Variants in PDE4B observed in about 807,000 individuals in gnomAD.
PDE4B encodes phosphodiesterase 4B.
In PDE4B, 20 loss-of-function variants were observed where a neutral mutation model predicts 82.2. The ratio of observed to expected loss-of-function variants is 0.24; its 90% CI spans 0.17 to 0.35. PDE4B has a LOEUF of 0.35. Ranked by LOEUF, PDE4B falls within the 10% of genes least tolerant of loss-of-function variation. The pLI, the probability that PDE4B is intolerant of heterozygous loss-of-function variation, is 1.00. For synonymous variants in PDE4B, 320 were observed against 318.9 expected, an observed-to-expected ratio of 1.00 and a Z score of -0.04; for missense variants, 655 against 907.2, an observed-to-expected ratio of 0.72 and a Z score of 3.57.
intron 3 of PDE4B, among the ~76,000 whole-genome samples, chr1:66,037,669 G>A (rs1390072306): frequency 6.6e-6 from 1 of 152,116 alleles, no homozygotes. Flanking sequence ...AAGAAGTGAT[G>A]AGAGTGGGCA....
chr1:65,972,595 A>G (rs527895934), intron 3 of PDE4B, among the ~76,000 whole-genome samples: 23 of 152,292 alleles, frequency 1.5e-4, no homozygotes, highest in Admixed American at 8.5e-4. Flanking sequence ...TCAACTGGTA[A>G]GTGTGGAATT....
intron 7 of PDE4B, among the ~76,000 whole-genome samples, chr1:66,278,284 T>C (rs909224911): frequency 6.6e-6 from 1 of 152,178 alleles, no homozygotes; most frequent in Non-Finnish European, 1.5e-5. Flanking sequence ...GGAGCCTGCT[T>C]ATGGGGCCAG....
chr1:65,847,694 G>A (rs144020188), intron 1 of PDE4B, among the ~76,000 whole-genome samples: 1 of 152,180 alleles, frequency 6.6e-6, no homozygotes, highest in Admixed American at 6.6e-5. Flanking sequence ...CTTCATGTAA[G>A]TGTTGAACAC....
chr1:66,187,355 A>G (rs9660408), intron 3 of PDE4B, among the ~76,000 whole-genome samples: 115,298 of 151,600 alleles, frequency 0.76, 44,252 homozygotes, highest in Admixed American at 0.82. Flanking sequence ...CATAAAATGC[A>G]TTAGGGAGGA....
chr1:66,030,744 G>T (rs1018619271), intron 3 of PDE4B, among the ~76,000 whole-genome samples: 1 of 152,160 alleles, frequency 6.6e-6, no homozygotes, highest in Non-Finnish European at 1.5e-5. Context: ...ATAAAGAAAA[G>T]TGGTACATAT....
chr1:65,960,521 A>G (rs1649493128), intron 3 of PDE4B, among the ~76,000 whole-genome samples: 1 of 152,114 alleles, frequency 6.6e-6, no homozygotes, highest in Non-Finnish European at 1.5e-5. Context: ...TGTTAGACTG[A>G]GCTTTGCATT....
chr1:66,202,145 A>T (rs966067933), intron 3 of PDE4B, among the ~76,000 whole-genome samples: 1 of 152,046 alleles, frequency 6.6e-6, no homozygotes, highest in African/African-American at 2.4e-5. Flanking sequence ...GTTTCCATGT[A>T]GTTGAGCAGT....
intron 1 of PDE4B, among the ~76,000 whole-genome samples, chr1:65,862,806 C>T (rs970503700): frequency 1.3e-5 from 2 of 152,124 alleles, no homozygotes; most frequent in Admixed American, 6.6e-5. Flanking sequence ...GGAATTAATA[C>T]ATTTCTTCTA....
At chr1:66,124,790 C>T (rs1034223270) in intron 3 of PDE4B, among the ~76,000 whole-genome samples, 4 of 152,110 alleles carry the variant, frequency 2.6e-5, no homozygotes, top group African/African-American at 9.7e-5. Flanking sequence ...GTGCAATTTA[C>T]GTTCTCCTTG....
chr1:66,189,687 G>T (rs966496201), intron 3 of PDE4B, among the ~76,000 whole-genome samples: 4 of 152,022 alleles, frequency 2.6e-5, no homozygotes, highest in Admixed American at 6.6e-5. Flanking sequence ...GCTCCCTCAG[G>T]TCCTTTAAGG....
At chr1:66,269,311 G>A (rs1258246427) in intron 7 of PDE4B, among the ~76,000 whole-genome samples, 1 of 152,196 alleles carries the variant, frequency 6.6e-6, no homozygotes, top group African/African-American at 2.4e-5. Flanking sequence ...TAGAGCAATG[G>A]AGAATTTCAA....
intron 4 of PDE4B, 103 bp downstream of exon 4, chr1:66,247,757 G>A (rs1653437070): frequency 1.1e-6 from 1 of 875,042 alleles, no homozygotes; most frequent in Non-Finnish European, 1.7e-6. Context: ...TGGTAAGGAT[G>A]AAGGAAGAAA....
intron 1 of PDE4B, among the ~76,000 whole-genome samples, chr1:65,883,510 T>C (rs1290364867): frequency 6.6e-6 from 1 of 152,328 alleles, no homozygotes; most frequent in East Asian, 1.9e-4. Flanking sequence ...TGATTTTGTA[T>C]CCTGAGACTT....
At chr1:65,795,894 C>T (rs577175262) in intron 1 of PDE4B, among the ~76,000 whole-genome samples, 160 of 152,308 alleles carry the variant, frequency 1.1e-3, no homozygotes, top group Middle Eastern at 3.4e-3. Context: ...TATGTTCTTA[C>T]CCCATACATT....
intron 7 of PDE4B, among the ~76,000 whole-genome samples, chr1:66,270,842 A>G (rs1439905469): frequency 6.6e-6 from 1 of 152,276 alleles, no homozygotes; most frequent in Non-Finnish European, 1.5e-5. Context: ...AGAAATATCA[A>G]ACTATGTTTT....
intron 4 of PDE4B, among the ~76,000 whole-genome samples, chr1:66,250,341 T>C (rs779609558): frequency 6.6e-5 from 10 of 152,168 alleles, no homozygotes; most frequent in Non-Finnish European, 1.3e-4. Context: ...TGTCATGAAT[T>C]TTTTATGAAT....
At position 65,865,430 on chromosome 1, in the gene PDE4B, G is replaced by A. The variant is rs141191679; in HGVS notation, c.-70-47815G>A. On this transcript the variant is annotated intron_variant, in intron 1 of 16. Transcript: ENST00000341517. ...GTTCCAGGTGCCTCTGGGGGGTGGC[G>A]GGGAGGGGAGGGGAGGAACAAAACT... is the stretch of plus-strand genomic sequence containing the variant. Among the ~76,000 whole-genome samples the A allele has an allele frequency of 1.5e-4, 23 of 152,090 alleles. No homozygotes were observed. In the East Asian group the frequency reaches 4.1e-3, roughly 27 times the overall value.
At chr1:65,967,326 C>A (rs113669854) in intron 3 of PDE4B, among the ~76,000 whole-genome samples, 13 of 152,252 alleles carry the variant, frequency 8.5e-5, no homozygotes, top group African/African-American at 3.1e-4. Context: ...AAATCAAAAC[C>A]ACAATGAGAT....
At chr1:66,014,199 G>T (rs1652645160) in intron 3 of PDE4B, among the ~76,000 whole-genome samples, 1 of 152,094 alleles carries the variant, frequency 6.6e-6, no homozygotes, top group African/African-American at 2.4e-5. Flanking sequence ...TTAGCCCATT[G>T]TCAGATATAT....
Sources: gnomAD v4.1 joint callset for allele counts (sites outside exome capture counted in the v4.1 genomes callset) on GRCh38, gnomAD v4.1.1 for gene constraint, MANE v1.5 for transcripts, NCBI Gene and HGNC (gene_info 2026-07-23, HGNC 2026-07-21) for gene names.